The following AUTS2 variants were observed in gnomAD, a reference collection of about 807,000 sequenced individuals.
The protein encoded by AUTS2 is activator of transcription and developmental regulator AUTS2, also known as autism susceptibility gene 2 protein.
Under a neutral mutation model 112.4 loss-of-function variants are expected in AUTS2, and 17 were observed. That is an observed-to-expected ratio of 0.15 (90% CI 0.10 to 0.23). AUTS2 has a LOEUF of 0.23. AUTS2 is among the 10% of genes least tolerant of loss of function. The pLI is 1.00. For missense variants in AUTS2, 1,510 were observed against 1,701.6 expected (o/e 0.89, Z 1.98); for synonymous variants, 751 against 702.7 (o/e 1.07, Z -1.09).
chr7:70,352,170 C>G (rs1791798275), intron 4 of AUTS2, among the ~76,000 whole-genome samples: 1 of 152,186 alleles, frequency 6.6e-6, no homozygotes, highest in African/African-American at 2.4e-5. Context: ...GGAACTCGCT[C>G]AAAATGTCAC....
intron 1 of AUTS2, among the ~76,000 whole-genome samples, chr7:69,819,919 C>T (rs762616144): frequency 2.6e-5 from 4 of 152,206 alleles, no homozygotes; most frequent in Non-Finnish European, 5.9e-5. Flanking sequence ...TTTATTATAA[C>T]TCAACTAGCT....
intron 4 of AUTS2, among the ~76,000 whole-genome samples, chr7:70,241,594 G>A (rs1242720419): frequency 6.6e-6 from 1 of 152,064 alleles, no homozygotes; most frequent in Non-Finnish European, 1.5e-5. Flanking sequence ...AGCCCCTGTG[G>A]GACCCCTGTA....
intron 1 of AUTS2, among the ~76,000 whole-genome samples, chr7:69,698,465 C>G (rs1288041980): frequency 6.6e-6 from 1 of 152,098 alleles, no homozygotes; most frequent in Non-Finnish European, 1.5e-5. Context: ...AAAGTACTTA[C>G]CTGCTGAGTG....
intron 1 of AUTS2, among the ~76,000 whole-genome samples, chr7:69,658,477 A>T (rs1795643604): frequency 6.6e-6 from 1 of 152,220 alleles, no homozygotes; most frequent in South Asian, 2.1e-4. Flanking sequence ...AGAGCTAGAC[A>T]ATTATATACT....
At chr7:70,171,208 A>G (rs559580097) in intron 4 of AUTS2, among the ~76,000 whole-genome samples, 1 of 152,184 alleles carries the variant, frequency 6.6e-6, no homozygotes, top group Non-Finnish European at 1.5e-5. Context: ...ATTGTTCCCA[A>G]ACTGTTGGAT....
chr7:70,506,647 A>C (rs1176738927), intron 5 of AUTS2, among the ~76,000 whole-genome samples: 1 of 152,174 alleles, frequency 6.6e-6, no homozygotes, highest in African/African-American at 2.4e-5. Context: ...GTAAAGGTCA[A>C]CTGCAGATAC....
intron 1 of AUTS2, among the ~76,000 whole-genome samples, chr7:69,872,565 C>T (rs748102947): frequency 1.3e-4 from 20 of 152,082 alleles, no homozygotes; most frequent in Non-Finnish European, 1.8e-4. Context: ...ACATTTTTTG[C>T]CTTTTTTTCT....
chr7:70,023,400 T>C (rs563199745), intron 2 of AUTS2, among the ~76,000 whole-genome samples: 2 of 152,292 alleles, frequency 1.3e-5, no homozygotes, highest in African/African-American at 2.4e-5. Flanking sequence ...AATGGGTCTG[T>C]GCTACTCTAT....
intron 1 of AUTS2, among the ~76,000 whole-genome samples, chr7:69,734,019 C>G (rs754355715): frequency 2.2e-4 from 33 of 152,080 alleles, no homozygotes; most frequent in Non-Finnish European, 1.3e-4. Context: ...TGCAATAGCT[C>G]TGAGGCAAAG....
rs756592655 is a variant in AUTS2, at chr7:70,781,597, G to A, written c.2005-18G>A. ...TGCTGTTGGCCTTGGGACCCTTACT[G>A]TTCCCCTTGCTGTGTAGAAACAGAT... On this transcript the variant is annotated intron_variant, in intron 14 of 18. Transcript: ENST00000342771. The A allele has an allele frequency of 1.2e-6, 2 of 1,613,652 alleles. No homozygotes were observed. Among genetic ancestry groups the A allele is most frequent in the Admixed American group, 1.7e-5 (1 of 59,968 alleles).
At chr7:69,753,449 C>T (rs1374870088) in intron 1 of AUTS2, among the ~76,000 whole-genome samples, 1 of 152,020 alleles carries the variant, frequency 6.6e-6, no homozygotes, top group Non-Finnish European at 1.5e-5. Flanking sequence ...TTCTGTTCCC[C>T]AGTGGCTCAC....
chr7:69,809,232 G>T (rs1202144510), intron 1 of AUTS2, among the ~76,000 whole-genome samples: 1 of 151,984 alleles, frequency 6.6e-6, no homozygotes, highest in Non-Finnish European at 1.5e-5. Context: ...CCGCCACCAC[G>T]CCTGGCTAAT....
chr7:69,940,053 A>G (rs141566960), intron 2 of AUTS2, among the ~76,000 whole-genome samples: 2 of 152,320 alleles, frequency 1.3e-5, no homozygotes, highest in Non-Finnish European at 2.9e-5. Flanking sequence ...TAATTCTTAG[A>G]ACAAACTTAT....
chr7:70,704,053 C>G (rs898159148), intron 6 of AUTS2, among the ~76,000 whole-genome samples: 1 of 152,184 alleles, frequency 6.6e-6, no homozygotes, highest in African/African-American at 2.4e-5. Context: ...ATAGAATCAT[C>G]CTTTGAGCGT....
At chr7:70,534,661 G>A (rs1800237391) in intron 5 of AUTS2, among the ~76,000 whole-genome samples, 1 of 152,154 alleles carries the variant, frequency 6.6e-6, no homozygotes. Flanking sequence ...CCTGACCTCA[G>A]GTGATCCGCC....
At position 70,694,794 on chromosome 7, in the gene AUTS2, C is replaced by G. The variant is rs948944014; in HGVS notation, c.691-3775C>G. On this transcript the variant is annotated intron_variant, in intron 5 of 18. Coordinates refer to ENST00000342771, the MANE Select transcript of AUTS2 (RefSeq NM_015570.4). This position sits in a 1 kb window ranked among gnomAD's most constrained non-coding sequence, Gnocchi z 4.1. ...CTCGGCCGCGCTGGATGTGTGCGCG[C>G]GGCGCCGGCTCTCGGTCGCCCCGAA... 4.0e-5 allele frequency: 6 copies of G among 150,850 alleles called. No homozygotes were observed. Among genetic ancestry groups the G allele is most frequent in the African/African-American group, 1.5e-4 (6 of 41,272 alleles). 9.3% of individuals were successfully genotyped at this position (150,850 alleles called of 1,614,324 possible).
chr7:69,711,072 A>G (rs925661519), intron 1 of AUTS2, among the ~76,000 whole-genome samples: 52 of 152,190 alleles, frequency 3.4e-4, no homozygotes, highest in African/African-American at 1.2e-3. Flanking sequence ...GGCTGAGACC[A>G]TGGGACAAAT....
intron 2 of AUTS2, among the ~76,000 whole-genome samples, chr7:69,973,094 G>A (rs557993817): frequency 7.9e-5 from 12 of 151,790 alleles, no homozygotes; most frequent in African/African-American, 1.9e-4. Flanking sequence ...TTGTCTCTCC[G>A]TTTATTTAGA....
chr7:70,553,860 G>A (rs1253804154), intron 5 of AUTS2, among the ~76,000 whole-genome samples: 9 of 143,406 alleles, frequency 6.3e-5, no homozygotes, highest in African/African-American at 7.9e-5. Context: ...TCCGCCTCCC[G>A]GGTTGAAGCA....
Sources: gnomAD v4.1 joint callset for allele counts (sites outside exome capture counted in the v4.1 genomes callset) on GRCh38, gnomAD v4.1.1 for gene constraint, Gnocchi (gnomAD v3.1) non-coding constraint, MANE v1.5 for transcripts, NCBI Gene and HGNC (gene_info 2026-07-23, HGNC 2026-07-21) for gene names.